BPIFA1: variants seen among roughly 807,000 people sequenced by gnomAD.
BPIFA1 encodes BPI fold containing family A member 1.
In BPIFA1, 24 loss-of-function variants were observed where a neutral mutation model predicts 25.1. That is an observed-to-expected ratio of 0.96 (90% CI 0.69 to 1.35). The LOEUF (loss-of-function observed/expected upper bound fraction) is 1.35. BPIFA1 is among the 40% of genes most tolerant of loss of function. The pLI is 0.00. For missense variants in BPIFA1, 344 were observed against 303.7 expected (o/e 1.13, Z -0.99); for synonymous variants, 139 against 131.8 (o/e 1.05, Z -0.37).
At chr20:33,241,777 T>C (rs1179916508) in intron 6 of BPIFA1, among the ~76,000 whole-genome samples, 1 of 152,180 alleles carries the variant, frequency 6.6e-6, no homozygotes, top group Non-Finnish European at 1.5e-5. Context: ...TTTCAACCTA[T>C]GCTTGGGTGT....
chr20:33,241,713 G>A (rs979613436), intron 6 of BPIFA1, among the ~76,000 whole-genome samples: 1 of 152,188 alleles, frequency 6.6e-6, no homozygotes, highest in African/African-American at 2.4e-5. Context: ...ATTGGCCCCT[G>A]TTCTGAGAAA....
At chr20:33,242,145 G>T in intron 7 of BPIFA1, 26 bp downstream of exon 7, 1 of 1,610,714 alleles carries the variant, frequency 6.2e-7, no homozygotes, top group Non-Finnish European at 8.5e-7. Context: ...CAAGCCCTCT[G>T]TCCCTCTCTG....
chr20:33,241,579 C>T, intron 6 of BPIFA1, 110 bp downstream of exon 6: 1 of 895,232 alleles, frequency 1.1e-6, no homozygotes. Flanking sequence ...TAAGTAACTT[C>T]CATTCATCAA....
intron 2 of BPIFA1, 57 bp from the exon 3 acceptor site, chr20:33,237,998 C>T (rs2146497960): frequency 1.3e-6 from 2 of 1,563,620 alleles, no homozygotes; most frequent in Non-Finnish European, 1.7e-6. Context: ...GGGGAGGGGG[C>T]CTGAGGATCT....
intron 2 of BPIFA1, 25 bp from the exon 3 acceptor site, chr20:33,238,030 C>A: frequency 6.2e-7 from 1 of 1,603,652 alleles, no homozygotes; most frequent in Non-Finnish European, 8.5e-7. Context: ...ATCTGACCCC[C>A]AGAGACCCTT....
In BPIFA1 at chr20:33,239,820, C is replaced by T. The variant is rs1194039563; in HGVS notation, c.338C>T (p.Pro113Leu). Residue 113 changes from proline (P) to leucine (L), a missense_variant, in exon 4 of 9, where the codon CCC becomes CTC. Physicochemically the swap from Pro to Leu is moderately conservative, Grantham distance 98. Transcript: ENST00000354297. ...CTGGACAGCATAAAGGTCACTGACCCCCAGCTGCTGGAACTTGGCCTTGTG... is the reference window on the plus strand; with the variant it reads ...CTGGACAGCATAAAGGTCACTGACCTCCAGCTGCTGGAACTTGGCCTTGTG... ...NNIIDIKVTDPQLLELGLVQS... is the reference protein window; with the variant it reads ...NNIIDIKVTDLQLLELGLVQS... 5.6e-6 allele frequency: 9 copies of T among 1,614,062 alleles called. No individual in the cohort carries two copies. The highest frequency in any genetic ancestry group is 7.6e-6 in the Non-Finnish European group (9 of 1,179,994).
chr20:33,240,838 T>C (rs1978943287), intron 5 of BPIFA1, among the ~76,000 whole-genome samples: 1 of 152,198 alleles, frequency 6.6e-6, no homozygotes, highest in South Asian at 2.1e-4. Flanking sequence ...CCAATTTAGT[T>C]CTAAGCTTAC....
Position 33,237,707 on chromosome 20 carries a change from C to G in BPIFA1, c.-5C>G, listed in dbSNP as rs371166466. 3.6e-5 allele frequency: 53 copies of G among 1,459,460 alleles called. No individual in the cohort carries two copies. The highest frequency in any genetic ancestry group is 1.8e-4 in the Middle Eastern group (1 of 5,440). 90.4% of individuals were successfully genotyped at this position (1,459,460 alleles called of 1,614,324 possible). ...TCATTCTGGCCACAGATACTAAGAG[C>G]AAAGATGTTTCAAACTGGGGGCCTC... On this transcript the variant is annotated 5_prime_UTR_variant, in exon 2 of 9. Transcript: ENST00000354297.
At position 33,240,216 on chromosome 20, in the gene BPIFA1, G is replaced by A. The variant is rs559826930; in HGVS notation, c.429-17G>A. ...ATGTGGTGGAGCTAGATACCAGTGG[G>A]GCTGTCTCCTTTGCAGGCCCCTGGT... On this transcript the variant is annotated splice_polypyrimidine_tract_variant and intron_variant, in intron 4 of 8. Coordinates refer to ENST00000354297, the MANE Select transcript of BPIFA1 (RefSeq NM_130852.3). 6 of 1,612,558 alleles carry A rather than the reference G, an allele frequency of 3.7e-6. No homozygotes were observed. The South Asian group carries it at 6.6e-5, about 18-fold the overall frequency.
chr20:33,240,544 A>C (rs1978913651), intron 5 of BPIFA1, among the ~76,000 whole-genome samples, 159 bp downstream of exon 5: 1 of 151,198 alleles, frequency 6.6e-6, no homozygotes, highest in South Asian at 2.1e-4. Context: ...GGATGGATGG[A>C]TGGATGGATG....
In BPIFA1 at chr20:33,238,092, C is replaced by T. The variant is rs765705916; in HGVS notation, c.198C>T (p.Gly66=). ...SNGLLSGGLL[G]ILENLPLLDI... ...GCCTGCTGTCTGGGGGCCTGTTGGG[C>T]ATTCTGGAAAACCTTCCGCTCCTGG... The change falls in exon 3 of 9, where the codon GGC becomes GGT. Residue 66 remains glycine (G), a synonymous_variant. Transcript: ENST00000354297. The T allele has an allele frequency of 9.3e-6, 15 of 1,613,952 alleles. No individual in the cohort carries two copies. In the South Asian group the frequency reaches 1.5e-4, roughly 17 times the overall value.
At chr20:33,240,008 T>C in intron 4 of BPIFA1, 98 bp downstream of exon 4, 1 of 1,405,482 alleles carries the variant, frequency 7.1e-7, no homozygotes, top group Non-Finnish European at 1.0e-6. Flanking sequence ...CTAACAGACC[T>C]GAGCCTCCAA....
chr20:33,238,083 C>A lies in BPIFA1; in HGVS notation c.189C>A (p.Gly63=). ...NALSNGLLSG[G]LLGILENLPL... is the part of the protein sequence containing the mutation. The stretch of plus-strand genomic sequence containing the variant: ...TCAGCAATGGCCTGCTGTCTGGGGG[C>A]CTGTTGGGCATTCTGGAAAACCTTC... Residue 63 remains glycine, a synonymous_variant, in exon 3 of 9, where the codon GGC becomes GGA. Transcript: ENST00000354297. 6.2e-7 allele frequency: 1 copy of A among 1,613,804 alleles called. No homozygotes were observed.
In BPIFA1 at chr20:33,239,830, G is replaced by A. The variant is rs1978868752; in HGVS notation, c.348G>A (p.Leu116=). Reference sequence around the variant, plus strand: ...TAAAGGTCACTGACCCCCAGCTGCTGGAACTTGGCCTTGTGCAGAGCCCTG... The same window carrying A: ...TAAAGGTCACTGACCCCCAGCTGCTAGAACTTGGCCTTGTGCAGAGCCCTG... ...IDIKVTDPQL[L]ELGLVQSPDG... Residue 116 remains leucine (L), a synonymous_variant, in exon 4 of 9, where the codon CTG becomes CTA. Transcript: ENST00000354297. 17 of 1,614,070 alleles carry A rather than the reference G, an allele frequency of 1.1e-5. No individual in the cohort carries two copies. The highest frequency in any genetic ancestry group is 2.2e-5 in the East Asian group (1 of 44,900).
At chr20:33,239,727 G>A in intron 3 of BPIFA1, 76 bp from the exon 4 acceptor site, 2 of 1,408,134 alleles carry the variant, frequency 1.4e-6, no homozygotes, top group Non-Finnish European at 1.0e-6. Flanking sequence ...GATGGGTACT[G>A]TTAGGTTAAA....
intron 8 of BPIFA1, 94 bp downstream of exon 8, chr20:33,242,655 GA>G (rs951052772): frequency 1.1e-6 from 1 of 912,842 alleles, no homozygotes; most frequent in African/African-American, 1.6e-5. Context: ...GACATCCAAA[GA>G]AAGAGACAAA....
chr20:33,242,288 G>A (rs141847949), intron 7 of BPIFA1, among the ~76,000 whole-genome samples, 169 bp downstream of exon 7: 6 of 152,200 alleles, frequency 3.9e-5, no homozygotes, highest in East Asian at 1.9e-4. Flanking sequence ...GATAGACACC[G>A]TGTCTCCTGC....
Position 33,240,216 on chromosome 20 carries a change from G to C in BPIFA1, c.429-17G>C. ...ATGTGGTGGAGCTAGATACCAGTGG[G>C]GCTGTCTCCTTTGCAGGCCCCTGGT... On this transcript the variant is annotated splice_polypyrimidine_tract_variant and intron_variant, in intron 4 of 8. Transcript: ENST00000354297. 1 of 1,612,558 alleles carries C rather than the reference G, an allele frequency of 6.2e-7. No individual in the cohort carries two copies. Among genetic ancestry groups the C allele is most frequent in the East Asian group, 2.2e-5 (1 of 44,862 alleles).
intron 8 of BPIFA1, 57 bp downstream of exon 8, chr20:33,242,618 A>G: frequency 3.0e-6 from 4 of 1,321,484 alleles, no homozygotes; most frequent in Non-Finnish European, 4.4e-6. Context: ...TTCTCCTGGT[A>G]GAAGGCAGAC....
Sources: gnomAD v4.1 joint callset for allele counts (sites outside exome capture counted in the v4.1 genomes callset) on GRCh38, gnomAD v4.1.1 for gene constraint, MANE v1.5 for transcripts, NCBI Gene and HGNC (gene_info 2026-07-23, HGNC 2026-07-21) for gene names.